Variants in GTPBP2 observed in about 807,000 individuals in gnomAD.
The protein encoded by GTPBP2 is GTP binding protein 2, also known as GTP-binding protein 2.
A neutral mutation model predicts 63.0 loss-of-function variants in GTPBP2; 32 were observed. The ratio of observed to expected loss-of-function variants is 0.51; its 90% CI spans 0.38 to 0.68. The LOEUF (loss-of-function observed/expected upper bound fraction) is 0.68, where lower values mean the gene tolerates loss of function less well. GTPBP2 is among the 30% of genes least tolerant of loss of function. GTPBP2 has a pLI of 0.00. For synonymous variants in GTPBP2, 310 were observed against 322.6 expected, an observed-to-expected ratio of 0.96 and a Z score of 0.42; for missense variants, 492 against 796.9, an observed-to-expected ratio of 0.62 and a Z score of 4.61.
intron 1 of GTPBP2, chr6:43,628,625 T>A (rs569672091): frequency 1.3e-6 from 1 of 781,416 alleles, no homozygotes; most frequent in Non-Finnish European, 1.6e-6. Context: ...GTGGTTACTG[T>A]CTGCCTCTCG....
Position 43,623,807 on chromosome 6 carries a change from G to C in GTPBP2, c.1237-12C>G, listed in dbSNP as rs572349282. 3 of 1,611,160 alleles carry C rather than the reference G, an allele frequency of 1.9e-6. No homozygotes were observed. The African/African-American group carries it at 4.0e-5, about 22-fold the overall frequency. On this transcript the variant is annotated splice_polypyrimidine_tract_variant and intron_variant, in intron 8 of 11. Coordinates refer to ENST00000307126, the MANE Select transcript of GTPBP2 (RefSeq NM_019096.5). The stretch of plus-strand genomic sequence containing the variant: ...TAGATTTCATCCACCTGAAGCCAAA[G>C]AAAACGCTATCAATGGCCTGCCAAG...
Position 43,624,467 on chromosome 6 carries a change from A to T in GTPBP2, c.1100+43T>A, listed in dbSNP as rs764045573. On this transcript the variant is annotated intron_variant, in intron 7 of 11. Coordinates refer to ENST00000307126, the MANE Select transcript of GTPBP2 (RefSeq NM_019096.5). The surrounding 1 kb of genome is among the most constrained non-coding windows in gnomAD (Gnocchi z 5.1). ...GCTTCTGGGCCCTGGGCTCTGTGGC[A>T]GCCTTCCTAGTGGATCAGGGCTTTA... The T allele has an allele frequency of 7.0e-7, 1 of 1,424,010 alleles. No individual in the cohort carries two copies. Among genetic ancestry groups the T allele is most frequent in the African/African-American group, 1.4e-5 (1 of 71,494 alleles). The allele number at this position is 1,424,010 out of a possible 1,614,324, so 88.2% of individuals were successfully genotyped here.
At chr6:43,627,624 C>T (rs969099078) in intron 1 of GTPBP2, among the ~76,000 whole-genome samples, 1 of 152,246 alleles carries the variant, frequency 6.6e-6, no homozygotes, top group Non-Finnish European at 1.5e-5. Context: ...ATCCACCCCA[C>T]AGTCTCTTCT....
chr6:43,628,657 G>T, intron 1 of GTPBP2: 2 of 867,662 alleles, frequency 2.3e-6, no homozygotes, highest in Non-Finnish European at 3.5e-6. Flanking sequence ...AGTCTCTCTT[G>T]CCCTATGGCG....
In GTPBP2 at chr6:43,624,001, T is replaced by A; in HGVS notation, c.1168A>T (p.Asn390Tyr). 1.2e-6 allele frequency: 2 copies of A among 1,614,086 alleles called. No individual in the cohort carries two copies. Among genetic ancestry groups the A allele is most frequent in the Non-Finnish European group, 1.7e-6 (2 of 1,179,962 alleles). The change falls in exon 8 of 12, where the codon AAT (asparagine) becomes TAT (tyrosine). Residue 390 changes from asparagine to tyrosine, a missense_variant. By Grantham distance (143) the Asn-to-Tyr change is moderately radical. This residue lies in a region of GTPBP2 where 400 missense variants were observed against 710.8 expected (regional missense o/e 0.56). Transcript: ENST00000307126. The surrounding 1 kb of genome is among the most constrained non-coding windows in gnomAD (Gnocchi z 5.1). ...ESLDLLKVFL[N>Y]ILPPLTNSKE... ...CTGTTGGTGAGTGGCGGCAGAATAT[T>A]CAGAAAGACTTTGAGGAGGTCCAGA...
Position 43,626,337 on chromosome 6 carries a change from C to A in GTPBP2, c.287G>T (p.Gly96Val). The A allele has an allele frequency of 6.2e-7, 1 of 1,614,210 alleles. No homozygotes were observed. The highest frequency in any genetic ancestry group is 8.5e-7 in the Non-Finnish European group (1 of 1,180,002). Residue 96 changes from glycine (G) to valine (V), a missense_variant, in exon 3 of 12, where the codon GGA (glycine) becomes GTA (valine). Gly to Val is a moderately radical substitution (Grantham distance 109). Around this residue, in one of 2 missense-constraint regions of GTPBP2, gnomAD observed 400 missense variants for 710.8 expected, o/e 0.56. Transcript: ENST00000307126. This position sits in a 1 kb window ranked among gnomAD's most constrained non-coding sequence, Gnocchi z 4.0. ...AATCTGGTAGACGGCCTCACCACGT[C>A]CCTCCTGGAGCCGCCACTTCATTTG... is the stretch of plus-strand genomic sequence containing the variant. ...VTQMKWRLQE[G>V]RGEAVYQIGV...
At chr6:43,628,941 G>A (rs757699478) in intron 1 of GTPBP2, 36 bp downstream of exon 1, 15 of 1,597,356 alleles carry the variant, frequency 9.4e-6, no homozygotes, top group Admixed American at 1.7e-5. Flanking sequence ...CGGAAAGAGT[G>A]GCTTCTTCCC....
In GTPBP2 at chr6:43,623,730, A is replaced by G. The variant is rs764573566; in HGVS notation, c.1295+7T>C. On this transcript the variant is annotated splice_region_variant and intron_variant, in intron 9 of 11. Coordinates refer to ENST00000307126, the MANE Select transcript of GTPBP2 (RefSeq NM_019096.5). Reference sequence around the variant, plus strand: ...GAGTGGGGAGGGTAGCAAGCAAGACAATTTACCTGGAAAGTGTTCCTCCAA... The same window carrying G: ...GAGTGGGGAGGGTAGCAAGCAAGACGATTTACCTGGAAAGTGTTCCTCCAA... 1.2e-6 allele frequency: 2 copies of G among 1,606,840 alleles called. No homozygotes were observed. Among genetic ancestry groups the G allele is most frequent in the Non-Finnish European group, 1.7e-6 (2 of 1,173,372 alleles).
rs1334731186 is a variant in GTPBP2 at position 43,626,548 on chromosome 6, G to A, written c.214-138C>T. The A allele has an allele frequency of 7.6e-6, 5 of 656,368 alleles. No homozygotes were observed. Among genetic ancestry groups the A allele is most frequent in the Admixed American group, 5.4e-5 (2 of 36,810 alleles). 40.7% of individuals were successfully genotyped at this position (656,368 alleles called of 1,614,324 possible). A position where few individuals can be genotyped will look rare whatever the true frequency, so the allele number is the denominator to read the frequency against. On this transcript the variant is annotated intron_variant, in intron 2 of 11. Coordinates refer to ENST00000307126, the MANE Select transcript of GTPBP2 (RefSeq NM_019096.5). The surrounding 1 kb of genome is among the most constrained non-coding windows in gnomAD (Gnocchi z 4.0). ...ATACCTGATCCCCCTCCAACAGAAC[G>A]AGGTACAGAGCCCTTAACCTGAACC...
chr6:43,627,870 AT>A (rs933687248), intron 1 of GTPBP2, among the ~76,000 whole-genome samples: 114 of 151,926 alleles, frequency 7.5e-4, no homozygotes, highest in African/African-American at 2.6e-3. Flanking sequence ...TAAGGAGATT[AT>A]TTTTTTTCCC....
At position 43,624,927 on chromosome 6, in the gene GTPBP2, C is replaced by T. The variant is rs1342986397; in HGVS notation, c.841G>A (p.Asp281Asn). ...TIFGLTSYCP[D>N]CALLLVSANT... ...GCACTGACGAGGAGCAGGGCGCAGT[C>T]GGGGCAGTATGATGTGAGGCCAAAG... The change falls in exon 6 of 12, where the codon GAC (aspartate) becomes AAC (asparagine). Residue 281 changes from aspartate to asparagine, a missense_variant. By Grantham distance (23) the Asp-to-Asn change is conservative (BLOSUM62 1). This residue lies in a region of GTPBP2 where 400 missense variants were observed against 710.8 expected (regional missense o/e 0.56). Transcript: ENST00000307126. The surrounding 1 kb of genome is among the most constrained non-coding windows in gnomAD (Gnocchi z 5.1). 10 of 1,614,008 alleles carry T rather than the reference C, an allele frequency of 6.2e-6. No individual in the cohort carries two copies. The highest frequency in any genetic ancestry group is 2.7e-5 in the African/African-American group (2 of 74,910).
Position 43,625,450 on chromosome 6 carries a change from G to A in GTPBP2, c.618C>T (p.Leu206=). The change falls in exon 5 of 12, where the codon CTC becomes CTT. Residue 206 remains leucine (L), a synonymous_variant. Coordinates refer to ENST00000307126, the MANE Select transcript of GTPBP2 (RefSeq NM_019096.5). The surrounding 1 kb of genome is among the most constrained non-coding windows in gnomAD (Gnocchi z 5.1). ...TCTCATGCAGGTGGCGGAAAAGGTT[G>A]AGCCGAGCCCGGCCCCGCCCATTGT... ...ELDNGRGRAR[L]NLFRHLHEIQ... is the part of the protein sequence containing the mutation. 1 of 1,614,086 alleles carries A rather than the reference G, an allele frequency of 6.2e-7. No individual in the cohort carries two copies. The highest frequency in any genetic ancestry group is 8.5e-7 in the Non-Finnish European group (1 of 1,180,002).
At position 43,624,166 on chromosome 6, in the gene GTPBP2, G is replaced by A; in HGVS notation, c.1101-98C>T. The A allele has an allele frequency of 8.8e-7, 1 of 1,135,214 alleles. No individual in the cohort carries two copies. Among genetic ancestry groups the A allele is most frequent in the Non-Finnish European group, 1.2e-6 (1 of 806,190 alleles). 70.3% of individuals were successfully genotyped at this position (1,135,214 alleles called of 1,614,324 possible). A position where few individuals can be genotyped will look rare whatever the true frequency, so the allele number is the denominator to read the frequency against. On this transcript the variant is annotated intron_variant, in intron 7 of 11. Coordinates refer to ENST00000307126, the MANE Select transcript of GTPBP2 (RefSeq NM_019096.5). This position sits in a 1 kb window ranked among gnomAD's most constrained non-coding sequence, Gnocchi z 5.1. ...GGAAAGGTGAGCTTTGTTCTGGCTG[G>A]GGGCCCCTCTCTCCTGTCTGCAAAT...
rs533250953 is a variant in GTPBP2, at chr6:43,626,594, T to C, written c.214-184A>G. ...GAACCATATCCTTAAACTGCTATAATTATGAAGTTGGAAGGCTCTCAGAGA... is the reference window on the plus strand; with the variant it reads ...GAACCATATCCTTAAACTGCTATAACTATGAAGTTGGAAGGCTCTCAGAGA... On this transcript the variant is annotated intron_variant, in intron 2 of 11. Transcript: ENST00000307126. The surrounding 1 kb of genome is among the most constrained non-coding windows in gnomAD (Gnocchi z 4.0). 6.6e-6 allele frequency among the ~76,000 whole-genome samples: 1 copy of C among 152,298 alleles called. No individual in the cohort carries two copies. Among genetic ancestry groups the C allele is most frequent in the Admixed American group, 6.5e-5 (1 of 15,298 alleles).
Position 43,624,022 on chromosome 6 carries a change from C to G in GTPBP2, c.1147G>C (p.Asp383His). Residue 383 changes from aspartate to histidine, a missense_variant, in exon 8 of 12, where the codon GAC (aspartate) becomes CAC (histidine). Physicochemically the swap from Asp to His is moderately conservative, Grantham distance 81. Transcript: ENST00000307126. The surrounding 1 kb of genome is among the most constrained non-coding windows in gnomAD (Gnocchi z 5.1). Reference protein sequence around the residue: ...TLSSVSGESLDLLKVFLNILP... With the variant: ...TLSSVSGESLHLLKVFLNILP... ...ATATTCAGAAAGACTTTGAGGAGGT[C>G]CAGACTCTCTCCAGACACACTGGAC... is the stretch of plus-strand genomic sequence containing the variant. 1 of 1,613,688 alleles carries G rather than the reference C, an allele frequency of 6.2e-7. No individual in the cohort carries two copies. The highest frequency in any genetic ancestry group is 8.5e-7 in the Non-Finnish European group (1 of 1,179,656).
intron 1 of GTPBP2, 73 bp from the exon 2 acceptor site, chr6:43,627,021 G>T: frequency 1.5e-6 from 2 of 1,336,838 alleles, no homozygotes; most frequent in Non-Finnish European, 2.1e-6. Context: ...TTCCCACTGG[G>T]TCCAGGTAGC....
chr6:43,622,514 G>T lies in GTPBP2; in HGVS notation c.1467+119C>A. 1 of 970,410 alleles carries T rather than the reference G, an allele frequency of 1.0e-6. No homozygotes were observed. The highest frequency in any genetic ancestry group is 1.6e-6 in the Non-Finnish European group (1 of 637,862). The allele number at this position is 970,410 out of a possible 1,614,324, so 60.1% of individuals were successfully genotyped here. A position where few individuals can be genotyped will look rare whatever the true frequency, so the allele number is the denominator to read the frequency against. Reference sequence around the variant, plus strand: ...CGTAGCTAGACCAGAAGCTTCTTGGGTCAGAGAGTGTGTTTCCTCTGAGTT... The same window carrying T: ...CGTAGCTAGACCAGAAGCTTCTTGGTTCAGAGAGTGTGTTTCCTCTGAGTT... On this transcript the variant is annotated intron_variant, in intron 10 of 11. Transcript: ENST00000307126. This position sits in a 1 kb window ranked among gnomAD's most constrained non-coding sequence, Gnocchi z 5.4.
In GTPBP2 at chr6:43,625,756, C is replaced by T. The variant is rs778391550; in HGVS notation, c.507G>A (p.Gln169=). 4 of 1,605,420 alleles carry T rather than the reference C, an allele frequency of 2.5e-6. No homozygotes were observed. The highest frequency in any genetic ancestry group is 2.2e-5 in the South Asian group (2 of 90,938). The change falls in exon 4 of 12, where the codon CAG becomes CAA. Residue 169 remains glutamine (Q), a splice_region_variant and synonymous_variant. Transcript: ENST00000307126. The surrounding 1 kb of genome is among the most constrained non-coding windows in gnomAD (Gnocchi z 5.1). Reference sequence around the variant, plus strand: ...GAGACAGGGATGGGTGTGTGCTCACCTGTTGGTTGTCAGGGACCTTTCGTA... The same window carrying T: ...GAGACAGGGATGGGTGTGTGCTCACTTGTTGGTTGTCAGGGACCTTTCGTA... ...VLVRKVPDNQ[Q]FLDLRVAVLG...
chr6:43,626,013 A>G lies in GTPBP2; in HGVS notation c.399-149T>C. ...ACCCTCCAATCTATTCCTCATTCAC[A>G]GTTCCCTTTAAAACAAATATACATA... On this transcript the variant is annotated intron_variant, in intron 3 of 11. Transcript: ENST00000307126. This position sits in a 1 kb window ranked among gnomAD's most constrained non-coding sequence, Gnocchi z 4.0. 1.4e-6 allele frequency: 1 copy of G among 733,786 alleles called. No individual in the cohort carries two copies. Among genetic ancestry groups the G allele is most frequent in the Non-Finnish European group, 2.4e-6 (1 of 424,896 alleles). 45.5% of individuals were successfully genotyped at this position (733,786 alleles called of 1,614,324 possible). A position where few individuals can be genotyped will look rare whatever the true frequency, so the allele number is the denominator to read the frequency against.
Sources: allele counts gnomAD v4.1 joint callset (sites outside exome capture counted in the v4.1 genomes callset), GRCh38; gene constraint gnomAD v4.1.1; regional missense constraint gnomAD v4.1.1; non-coding constraint Gnocchi (gnomAD v3.1); transcripts MANE v1.5; gene names NCBI Gene and HGNC (gene_info 2026-07-23, HGNC 2026-07-21).